SCN11A: variants seen among roughly 807,000 people sequenced by gnomAD.
SCN11A encodes the protein sodium voltage-gated channel alpha subunit 11.
In SCN11A, 122 loss-of-function variants were observed where a neutral mutation model predicts 162.2. The ratio of observed to expected loss-of-function variants is 0.75; its 90% CI spans 0.65 to 0.87. SCN11A has a LOEUF of 0.87. SCN11A is among the 40% of genes least tolerant of loss of function. The pLI, the probability that SCN11A is intolerant of heterozygous loss-of-function variation, is 0.00. For missense variants in SCN11A, 2,015 were observed against 2,181.6 expected (o/e 0.92, Z 1.52); for synonymous variants, 758 against 751.5 (o/e 1.01, Z -0.14).
chr3:38,892,900 A>G (rs1438649624), intron 19 of SCN11A, among the ~76,000 whole-genome samples: 12 of 152,158 alleles, frequency 7.9e-5, no homozygotes. Context: ...TTAAAATGTT[A>G]TACTAGAAAA....
intron 2 of SCN11A, among the ~76,000 whole-genome samples, chr3:38,990,240 A>C (rs1023247564): frequency 3.9e-5 from 6 of 152,134 alleles, no homozygotes. Context: ...GACTTATCCG[A>C]GGTGCTGGAG....
chr3:38,985,849 G>GA (rs1162337553), intron 2 of SCN11A, among the ~76,000 whole-genome samples: 1 of 150,876 alleles, frequency 6.6e-6, no homozygotes, highest in African/African-American at 2.5e-5. Context: ...TTCCAGAATG[G>GA]ATTAGCTGGG....
intron 11 of SCN11A, among the ~76,000 whole-genome samples, chr3:38,911,609 C>T (rs2125539522): frequency 6.6e-6 from 1 of 152,216 alleles, no homozygotes. Flanking sequence ...TTAATCAGTG[C>T]TCTAGTTGTA....
At position 38,872,205 on chromosome 3, in the gene SCN11A, A is replaced by G; in HGVS notation, c.3483T>C (p.Phe1161=). The G allele has an allele frequency of 2.5e-6, 4 of 1,593,516 alleles. No individual in the cohort carries two copies. Among genetic ancestry groups the G allele is most frequent in the Non-Finnish European group, 3.4e-6 (4 of 1,161,472 alleles). ...CTGCAGAATGTACCTTCATTCCTTC[A>G]AACTGGGACAGCGCACGAAGAGGCC... ...ALRPLRALSQ[F]EGMKVVVNAL... The change falls in exon 24 of 30, where the codon TTT becomes TTC. Residue 1161 remains phenylalanine, a synonymous_variant. Coordinates refer to ENST00000302328, the MANE Select transcript of SCN11A (RefSeq NM_001349253.2).
chr3:38,998,078 TA>T (rs1201191894), intron 2 of SCN11A, among the ~76,000 whole-genome samples: 1 of 152,152 alleles, frequency 6.6e-6, no homozygotes, highest in Non-Finnish European at 1.5e-5. Flanking sequence ...CTCCCTCCCA[TA>T]AAAAAGAAGT....
chr3:39,000,586 T>G (rs1427972815), intron 2 of SCN11A, among the ~76,000 whole-genome samples: 3 of 152,208 alleles, frequency 2.0e-5, no homozygotes, highest in Non-Finnish European at 2.9e-5. Context: ...TCTGTTACAT[T>G]TACCACATGC....
intron 2 of SCN11A, among the ~76,000 whole-genome samples, chr3:39,022,905 A>T (rs2031488553): frequency 6.6e-6 from 1 of 152,006 alleles, no homozygotes; most frequent in African/African-American, 2.4e-5. Flanking sequence ...AATAAAATAA[A>T]ATAAACACAG....
chr3:39,010,215 A>G (rs2031087494), intron 2 of SCN11A, among the ~76,000 whole-genome samples: 1 of 152,092 alleles, frequency 6.6e-6, no homozygotes, highest in Non-Finnish European at 1.5e-5. Context: ...AAAACCCACA[A>G]ATAAAAGTAG....
chr3:38,951,505 C>CCCATCGA (rs1191402044), intron 4 of SCN11A, among the ~76,000 whole-genome samples: 1 of 152,260 alleles, frequency 6.6e-6, no homozygotes, highest in Non-Finnish European at 1.5e-5. Context: ...GGCGCCCAGT[C>CCCATCGA]CCATCGACCG....
At chr3:38,904,909 C>T (rs895283388) in intron 15 of SCN11A, among the ~76,000 whole-genome samples, 1 of 152,178 alleles carries the variant, frequency 6.6e-6, no homozygotes, top group Non-Finnish European at 1.5e-5. Context: ...TGGTTTGAGG[C>T]CCTGTTTATG....
chr3:38,923,932 A>C (rs1242899651), intron 9 of SCN11A, among the ~76,000 whole-genome samples: 1 of 152,298 alleles, frequency 6.6e-6, no homozygotes, highest in East Asian at 1.9e-4. Context: ...CAGCCAGGTC[A>C]CTGGAGAGTC....
intron 21 of SCN11A, among the ~76,000 whole-genome samples, chr3:38,884,981 T>C (rs942145286): frequency 1.3e-5 from 2 of 152,184 alleles, no homozygotes; most frequent in African/African-American, 4.8e-5. Flanking sequence ...CACCCTGACA[T>C]TGAATGCCCT....
chr3:39,031,039 A>G lies in SCN11A; in HGVS notation c.-280+1341T>C, dbSNP rs189697011. Reference sequence around the variant, plus strand: ...CTAGATGGAGGTCAAAGCATTTTTGAAATGGAAAATGGACTGGTTTATGTG... The same window carrying G: ...CTAGATGGAGGTCAAAGCATTTTTGGAATGGAAAATGGACTGGTTTATGTG... On this transcript the variant is annotated intron_variant, in intron 2 of 29. Transcript: ENST00000302328. 7.9e-5 allele frequency among the ~76,000 whole-genome samples: 12 copies of G among 152,306 alleles called. No individual in the cohort carries two copies. The East Asian group carries it at 2.3e-3, about 29-fold the overall frequency.
Position 38,850,620 on chromosome 3 carries a change from G to A in SCN11A, c.4188C>T (p.Ser1396=), listed in dbSNP as rs2064760974. 2 of 1,613,968 alleles carry A rather than the reference G, an allele frequency of 1.2e-6. No individual in the cohort carries two copies. Residue 1396 remains serine (S), a synonymous_variant, in exon 29 of 30, where the codon TCC becomes TCT. Coordinates refer to ENST00000302328, the MANE Select transcript of SCN11A (RefSeq NM_001349253.2). ...AGACCCAGTTGAGATGGTCAAGGATGGATTTCATGGCTTTGGGTTGGTTGT... is the reference window on the plus strand; with the variant it reads ...AGACCCAGTTGAGATGGTCAAGGATAGATTTCATGGCTTTGGGTTGGTTGT... ...ESYNQPKAMK[S]ILDHLNWVFV... is the part of the protein sequence containing the mutation.
chr3:38,889,361 G>A (rs1308769528), intron 19 of SCN11A, among the ~76,000 whole-genome samples: 1 of 151,548 alleles, frequency 6.6e-6, no homozygotes, highest in East Asian at 2.0e-4. Context: ...GCAAGCAGAG[G>A]TTGCAGTGAG....
rs758771339 is a variant in SCN11A at position 38,894,530 on chromosome 3, T to C, written c.2835+3A>G. Reference sequence around the variant, plus strand: ...CTTTAAGTCTATGTGTGAACCTTCATACCTGTTGTTCAGGCTCAGGTTGTG... The same window carrying C: ...CTTTAAGTCTATGTGTGAACCTTCACACCTGTTGTTCAGGCTCAGGTTGTG... On this transcript the variant is annotated splice_donor_region_variant and intron_variant, in intron 19 of 29. Transcript: ENST00000302328. 3 of 1,594,438 alleles carry C rather than the reference T, an allele frequency of 1.9e-6. No individual in the cohort carries two copies. The highest frequency in any genetic ancestry group is 2.7e-5 in the African/African-American group (2 of 74,618).
At chr3:38,950,718 T>A (rs1251313357) in intron 4 of SCN11A, among the ~76,000 whole-genome samples, 1 of 152,178 alleles carries the variant, frequency 6.6e-6, no homozygotes. Context: ...CCGGCTGAAC[T>A]GCTGAAGTGG....
Position 38,908,085 on chromosome 3 carries a change from G to A in SCN11A, c.1337C>T (p.Thr446Ile). ...GGTAAAATATGATGTTTCAAGGGAA[G>A]TAAGTGAACTTCTGTCAATTCCCAT... ...VAMGIDRSSLTSLETSYFTPK... is the reference protein window; with the variant it reads ...VAMGIDRSSLISLETSYFTPK... Residue 446 changes from threonine to isoleucine, a missense_variant, in exon 14 of 30, where the codon ACT becomes ATT. Coordinates refer to ENST00000302328, the MANE Select transcript of SCN11A (RefSeq NM_001349253.2). The A allele has an allele frequency of 6.2e-7, 1 of 1,612,466 alleles. No homozygotes were observed. Among genetic ancestry groups the A allele is most frequent in the South Asian group, 1.1e-5 (1 of 90,386 alleles).
At chr3:39,039,033 T>A (rs1312887092) in intron 1 of SCN11A, among the ~76,000 whole-genome samples, 2 of 151,738 alleles carry the variant, frequency 1.3e-5, no homozygotes, top group Non-Finnish European at 2.9e-5. Flanking sequence ...AGCAGAACTA[T>A]TTTTTTTGCT....
Sources: allele counts gnomAD v4.1 joint callset (sites outside exome capture counted in the v4.1 genomes callset), GRCh38; gene constraint gnomAD v4.1.1; transcripts MANE v1.5; gene names NCBI Gene and HGNC (gene_info 2026-07-23, HGNC 2026-07-21).